Variants in KRT12 observed in about 807,000 individuals in gnomAD.
The protein encoded by KRT12 is keratin, type I cytoskeletal 12.
KRT12 carries 43 observed loss-of-function variants against 50.2 expected under a neutral mutation model. That is an observed-to-expected ratio of 0.86 (90% CI 0.67 to 1.11). KRT12 has a LOEUF of 1.11. KRT12 is among the 50% of genes least tolerant of loss of function. The pLI is 0.00. For synonymous variants in KRT12, 257 were observed against 253.6 expected, an observed-to-expected ratio of 1.01 and a Z score of -0.13; for missense variants, 588 against 625.6, an observed-to-expected ratio of 0.94 and a Z score of 0.64.
Position 40,863,130 on chromosome 17 carries a change from C to T in KRT12, c.1309G>A (p.Ala437Thr), listed in dbSNP as rs1234732140. 4 of 1,614,054 alleles carry T rather than the reference C, an allele frequency of 2.5e-6. No individual in the cohort carries two copies. Among genetic ancestry groups the T allele is most frequent in the Admixed American group, 1.7e-5 (1 of 60,024 alleles). The part of the protein sequence containing the change: ...ETYRRLLDGE[A>T]QGDGLEESLF... ...CCTCCGTTGTCTGCTCACCCTTGGG[C>T]CTCCCCGTCCAGCAGGCGGCGGTAG... Residue 437 changes from alanine to threonine, a missense_variant, in exon 6 of 8, where the codon GCC (alanine) becomes ACC (threonine). Transcript: ENST00000251643. The surrounding 1 kb of genome is among the most constrained non-coding windows in gnomAD (Gnocchi z 4.2).
Position 40,863,055 on chromosome 17 carries a change from C to T in KRT12, c.1316+68G>A. ...CTTTTCTGTCAACTAAAACCCCATTCCTTCTATTTCTGCTGCCCACTCTTG... is the reference window on the plus strand; with the variant it reads ...CTTTTCTGTCAACTAAAACCCCATTTCTTCTATTTCTGCTGCCCACTCTTG... On this transcript the variant is annotated intron_variant, in intron 6 of 7. Transcript: ENST00000251643. The surrounding 1 kb of genome is among the most constrained non-coding windows in gnomAD (Gnocchi z 4.2). 2.3e-6 allele frequency: 3 copies of T among 1,327,850 alleles called. No homozygotes were observed. The highest frequency in any genetic ancestry group is 3.3e-6 in the Non-Finnish European group (3 of 921,750). The allele number at this position is 1,327,850 out of a possible 1,614,324, so 82.3% of individuals were successfully genotyped here. A position where few individuals can be genotyped will look rare whatever the true frequency, so the allele number is the denominator to read the frequency against.
Position 40,861,792 on chromosome 17 carries a change from T to G in KRT12, c.1388-34A>C, listed in dbSNP as rs371708219. ...AAAAATGGAATAAGGGGGCAAGAGT[T>G]AGTGTTTCAAATATTAATCCAACAC... is the stretch of plus-strand genomic sequence containing the variant. On this transcript the variant is annotated intron_variant, in intron 7 of 7. Coordinates refer to ENST00000251643, the MANE Select transcript of KRT12 (RefSeq NM_000223.4). 1.0e-4 allele frequency: 141 copies of G among 1,372,588 alleles called. 1 individual carries two copies. Among genetic ancestry groups the G allele is most frequent in the Admixed American group, 8.0e-4 (48 of 59,708 alleles). The allele number at this position is 1,372,588 out of a possible 1,614,324, so 85.0% of individuals were successfully genotyped here.
rs1368548690 is a variant in KRT12 at position 40,864,800 on chromosome 17, A to T, written c.807+6T>A. ...TAGCTGAGTGAGGCTGCCCTGTCTG[A>T]CTCACATCCTCGTGGTTCTTCTTCA... is the stretch of plus-strand genomic sequence containing the variant. On this transcript the variant is annotated splice_donor_region_variant and intron_variant, in intron 3 of 7. Coordinates refer to ENST00000251643, the MANE Select transcript of KRT12 (RefSeq NM_000223.4). 1.9e-6 allele frequency: 3 copies of T among 1,612,904 alleles called. No homozygotes were observed. In the Admixed American group the frequency reaches 5.0e-5, roughly 27 times the overall value.
rs1597844607 is a variant in KRT12 at position 40,867,173 on chromosome 17, T to C, written c.14A>G (p.Asn5Ser). ...GCGCACTGAGAGTGACATGGTGTTG[T>C]TGGAGAGATCCATGGCCTGGGGAAG... Reference protein sequence around the residue: MDLSNNTMSLSVRTP... With the variant: MDLSSNTMSLSVRTP... Residue 5 changes from asparagine (N) to serine (S), a missense_variant, in exon 1 of 8, where the codon AAC (asparagine) becomes AGC (serine). Asn to Ser is a conservative substitution (Grantham distance 46). Coordinates refer to ENST00000251643, the MANE Select transcript of KRT12 (RefSeq NM_000223.4). 5.6e-6 allele frequency: 9 copies of C among 1,606,536 alleles called. No homozygotes were observed. The highest frequency in any genetic ancestry group is 1.6e-4 in the Middle Eastern group (1 of 6,082).
Position 40,864,956 on chromosome 17 carries a change from C to A in KRT12, c.657G>T (p.Glu219Asp). ...CGCCCTGGCGCAGGGCCAGTTCATTCTCATACCTGAAAACCAAGTGCAAAG... is the reference window on the plus strand; with the variant it reads ...CGCCCTGGCGCAGGGCCAGTTCATTATCATACCTGAAAACCAAGTGCAAAG... The part of the protein sequence containing the change: ...LAAEDFRMKY[E>D]NELALRQGVE... Residue 219 changes from glutamate (E) to aspartate (D), a missense_variant, in exon 3 of 8, where the codon GAG (glutamate) becomes GAT (aspartate). By Grantham distance (45) the Glu-to-Asp change is conservative. Coordinates refer to ENST00000251643, the MANE Select transcript of KRT12 (RefSeq NM_000223.4). 6.2e-7 allele frequency: 1 copy of A among 1,614,246 alleles called. No homozygotes were observed.
Position 40,864,865 on chromosome 17 carries a change from C to T in KRT12, c.748G>A (p.Glu250Lys). ...DELTLTRTDLEMQIESLNEEL... is the reference protein window; with the variant it reads ...DELTLTRTDLKMQIESLNEEL... Reference sequence around the variant, plus strand: ...TCGTTCAGGCTCTCGATCTGCATCTCCAGGTCGGTCCTGGTCAGGGTCAGC... The same window carrying T: ...TCGTTCAGGCTCTCGATCTGCATCTTCAGGTCGGTCCTGGTCAGGGTCAGC... The change falls in exon 3 of 8, where the codon GAG becomes AAG. Residue 250 changes from glutamate to lysine, a missense_variant. Physicochemically the swap from Glu to Lys is moderately conservative, Grantham distance 56 (BLOSUM62 1). Coordinates refer to ENST00000251643, the MANE Select transcript of KRT12 (RefSeq NM_000223.4). 6.2e-7 allele frequency: 1 copy of T among 1,614,250 alleles called. No individual in the cohort carries two copies. The highest frequency in any genetic ancestry group is 8.5e-7 in the Non-Finnish European group (1 of 1,180,046).
At position 40,867,129 on chromosome 17, in the gene KRT12, G is replaced by A. The variant is rs17566772; in HGVS notation, c.58C>T (p.Arg20Trp). The A allele has an allele frequency of 0.079, 128,133 of 1,612,736 alleles. 5,491 individuals carry two copies. The highest frequency in any genetic ancestry group is 0.1 in the Admixed American group (6,283 of 60,018). ...LSVRTPGLSR[R>W]LSSQSVIGRP... ...CCTATCACACTCTGCGAGGAGAGCC[G>A]CCGGGACAGTCCGGGGGTGCGCACT... The change falls in exon 1 of 8, where the codon CGG becomes TGG. Residue 20 changes from arginine to tryptophan, a missense_variant. Physicochemically the swap from Arg to Trp is moderately radical, Grantham distance 101. Transcript: ENST00000251643.
chr17:40,865,022 G>T (rs1294909447), intron 2 of KRT12, 60 bp from the exon 3 acceptor site: 15 of 1,547,334 alleles, frequency 9.7e-6, no homozygotes, highest in Middle Eastern at 3.4e-4. Flanking sequence ...CAAGGCCACT[G>T]ATCTTCAGGG....
intron 7 of KRT12, 102 bp from the exon 8 acceptor site, chr17:40,861,860 C>A: frequency 1.3e-6 from 1 of 782,886 alleles, no homozygotes; most frequent in South Asian, 1.5e-5. Flanking sequence ...TTGGTTGATA[C>A]AATCCATCTA....
intron 3 of KRT12, among the ~76,000 whole-genome samples, 189 bp from the exon 4 acceptor site, chr17:40,864,053 AC>A (rs1450558170): frequency 1.3e-5 from 2 of 151,950 alleles, no homozygotes; most frequent in Non-Finnish European, 2.9e-5. Context: ...ATACATTAAA[AC>A]TTTTTTAACC....
intron 2 of KRT12, 88 bp from the exon 3 acceptor site, chr17:40,865,050 C>T (rs1906968737): frequency 1.5e-6 from 2 of 1,361,554 alleles, no homozygotes; most frequent in Admixed American, 1.7e-5. Context: ...TTGCTTAAAT[C>T]TGTGCACCTA....
At chr17:40,862,708 A>G in intron 6 of KRT12, 73 bp from the exon 7 acceptor site, 1 of 1,112,092 alleles carries the variant, frequency 9.0e-7, no homozygotes, top group Non-Finnish European at 1.4e-6. Flanking sequence ...TGGTCTGAGA[A>G]ATTAGATTTC....
Position 40,866,158 on chromosome 17 carries a change from A to G in KRT12, c.647T>C (p.Met216Thr). 1.2e-6 allele frequency: 2 copies of G among 1,613,362 alleles called. No homozygotes were observed. Among genetic ancestry groups the G allele is most frequent in the Non-Finnish European group, 1.7e-6 (2 of 1,179,272 alleles). Residue 216 changes from methionine (M) to threonine (T), a missense_variant, in exon 2 of 8, where the codon ATG (methionine) becomes ACG (threonine). Transcript: ENST00000251643. ...ATCTTCAGTTTATTCGACTCACTTC[A>G]TCCTGAAGTCCTCAGCAGCTAGTCT... ...NARLAAEDFR[M>T]KYENELALRQ...
intron 3 of KRT12, among the ~76,000 whole-genome samples, chr17:40,864,162 C>G (rs1476333422): frequency 6.6e-6 from 1 of 152,158 alleles, no homozygotes; most frequent in Non-Finnish European, 1.5e-5. Flanking sequence ...CCTGCTGTGC[C>G]TAATGGGTAA....
At position 40,862,561 on chromosome 17, in the gene KRT12, A is replaced by G. The variant is rs779706793; in HGVS notation, c.1387+4T>C. The G allele has an allele frequency of 9.3e-6, 15 of 1,606,812 alleles. No individual in the cohort carries two copies. In the Middle Eastern group the frequency reaches 1.2e-3, roughly 124 times the overall value. On this transcript the variant is annotated splice_donor_region_variant and intron_variant, in intron 7 of 7. Transcript: ENST00000251643. ...TTCTAAGTGATTCTAGGGTTTCTGCATACCTTTAGAGGAATCAGTTGACTG... is the reference window on the plus strand; with the variant it reads ...TTCTAAGTGATTCTAGGGTTTCTGCGTACCTTTAGAGGAATCAGTTGACTG...
At chr17:40,862,711 T>C in intron 6 of KRT12, 76 bp from the exon 7 acceptor site, 1 of 1,060,440 alleles carries the variant, frequency 9.4e-7, no homozygotes, top group South Asian at 1.3e-5. Context: ...TCTGAGAAAT[T>C]AGATTTCCCA....
chr17:40,866,552 A>C, intron 1 of KRT12, 68 bp downstream of exon 1: 1 of 1,309,126 alleles, frequency 7.6e-7, no homozygotes, highest in Non-Finnish European at 1.1e-6. Flanking sequence ...GGTGATTATC[A>C]CTGTAAAACA....
chr17:40,861,713 AC>A lies in KRT12; in HGVS notation c.1432del (p.Val478Ter). ...RKIKTVVQEM[V>X]NGEVVSSQVQ... ...TTGAGATGAGACCACCTCACCATTC[AC>A]CATCTCCTGCACAACTGTCTTGATT... is the stretch of plus-strand genomic sequence containing the variant. On this transcript the variant is annotated frameshift_variant, in exon 8 of 8. Transcript: ENST00000251643. LOFTEE classifies it high-confidence loss of function. 6.2e-7 allele frequency: 1 copy of A among 1,613,970 alleles called. No individual in the cohort carries two copies. Among genetic ancestry groups the A allele is most frequent in the South Asian group, 1.1e-5 (1 of 91,080 alleles).
chr17:40,863,696 G>C lies in KRT12; in HGVS notation c.969+7C>G. 6.2e-7 allele frequency: 1 copy of C among 1,614,124 alleles called. No individual in the cohort carries two copies. Among genetic ancestry groups the C allele is most frequent in the Non-Finnish European group, 8.5e-7 (1 of 1,180,032 alleles). On this transcript the variant is annotated splice_region_variant and intron_variant, in intron 4 of 7. Coordinates refer to ENST00000251643, the MANE Select transcript of KRT12 (RefSeq NM_000223.4). The surrounding 1 kb of genome is among the most constrained non-coding windows in gnomAD (Gnocchi z 4.2). The stretch of plus-strand genomic sequence containing the variant: ...GAATGTATCAAAGCCTTTGTTGTTT[G>C]TGTTACCTTTTCAATGAACCAGGCT...
Sources: allele counts gnomAD v4.1 joint callset (sites outside exome capture counted in the v4.1 genomes callset), GRCh38; gene constraint gnomAD v4.1.1; non-coding constraint Gnocchi (gnomAD v3.1); transcripts MANE v1.5; gene names NCBI Gene and HGNC (gene_info 2026-07-23, HGNC 2026-07-21).